The following GNAL variants were observed in gnomAD, a reference collection of about 807,000 sequenced individuals.
GNAL encodes the protein guanine nucleotide-binding protein G(olf) subunit alpha.
A neutral mutation model predicts 55.1 loss-of-function variants in GNAL; 18 were observed. The ratio of observed to expected loss-of-function variants is 0.33; its 90% confidence interval spans 0.23 to 0.48. The LOEUF (loss-of-function observed/expected upper bound fraction) is 0.48. GNAL is among the 20% of genes least tolerant of loss of function. GNAL has a pLI of 0.99. For synonymous variants in GNAL, 253 were observed against 237.0 expected, an observed-to-expected ratio of 1.07 and a Z score of -0.62; for missense variants, 412 against 614.1, an observed-to-expected ratio of 0.67 and a Z score of 3.48.
chr18:11,757,178 T>A (rs1371087363), intron 4 of GNAL, among the ~76,000 whole-genome samples: 1 of 152,208 alleles, frequency 6.6e-6, no homozygotes, highest in Non-Finnish European at 1.5e-5. Flanking sequence ...TCATTTGAAT[T>A]TCAGTTGAAT....
In GNAL at chr18:11,751,623, CT is replaced by C. The variant is rs764760074; in HGVS notation, c.377-1227del. On this transcript the variant is annotated intron_variant, in intron 1 of 11. Transcript: ENST00000334049. The surrounding 1 kb of genome is among the most constrained non-coding windows in gnomAD (Gnocchi z 4.5). ...AACACGGGGCGCGCGCCCAGACGCA[CT>C]TTCCCGGCTCGGGGTGCAAGAGAGC... The C allele has an allele frequency of 5.1e-5, 50 of 985,416 alleles. No homozygotes were observed. The Admixed American group carries it at 6.8e-4, about 13-fold the overall frequency. 61.0% of individuals were successfully genotyped at this position (985,416 alleles called of 1,614,324 possible). A position where few individuals can be genotyped will look rare whatever the true frequency, so the allele number is the denominator to read the frequency against.
chr18:11,790,396 T>C (rs948033627), intron 4 of GNAL, among the ~76,000 whole-genome samples: 6 of 152,230 alleles, frequency 3.9e-5, no homozygotes, highest in Non-Finnish European at 5.9e-5. Flanking sequence ...CACTCTGACA[T>C]CAATGTGTCC....
intron 4 of GNAL, among the ~76,000 whole-genome samples, chr18:11,772,748 G>C (rs1598444758): frequency 6.6e-6 from 1 of 152,102 alleles, no homozygotes; most frequent in Non-Finnish European, 1.5e-5. Context: ...ATTCATGCAG[G>C]GTGCGGGTCT....
At chr18:11,792,115 A>C (rs1265676635) in intron 4 of GNAL, among the ~76,000 whole-genome samples, 2 of 152,006 alleles carry the variant, frequency 1.3e-5, no homozygotes, top group Non-Finnish European at 2.9e-5. Flanking sequence ...CCTAATTGGC[A>C]CCATAGCTTT....
chr18:11,769,053 TAA>T lies in GNAL; in HGVS notation c.624+15109_624+15110del, dbSNP rs1351306257. Reference sequence around the variant, plus strand: ...TATTATATATAATATATAATATATATAATATATATTATAATATAGATTATATA... The same window carrying T: ...TATTATATATAATATATAATATATATTATATATTATAATATAGATTATATA... On this transcript the variant is annotated intron_variant, in intron 4 of 11. Coordinates refer to ENST00000334049, the MANE Select transcript of GNAL (RefSeq NM_182978.4). Among the ~76,000 whole-genome samples the T allele has an allele frequency of 1.4e-3, 123 of 90,402 alleles. 5 individuals are homozygous for T. Among genetic ancestry groups the T allele is most frequent in the Non-Finnish European group, 1.8e-3 (97 of 54,356 alleles). The allele number at this position is 90,402 out of a possible 152,430, so 59.3% of individuals were successfully genotyped here. A position where few individuals can be genotyped will look rare whatever the true frequency, so the allele number is the denominator to read the frequency against.
intron 4 of GNAL, among the ~76,000 whole-genome samples, chr18:11,785,398 A>G (rs1158228038): frequency 6.6e-6 from 1 of 152,132 alleles, no homozygotes; most frequent in Non-Finnish European, 1.5e-5. Flanking sequence ...AGCCCCCAAT[A>G]AGTAGAACAA....
chr18:11,881,392 G>T lies in GNAL; in HGVS notation c.*257G>T. 4.8e-6 allele frequency: 2 copies of T among 413,994 alleles called. No homozygotes were observed. Among genetic ancestry groups the T allele is most frequent in the Non-Finnish European group, 8.9e-6 (2 of 225,526 alleles). The allele number at this position is 413,994 out of a possible 1,614,324, so 25.6% of individuals were successfully genotyped here. ...GCCGACACTGCAGCAGAATCTCTCC[G>T]GGTGGGAGCCCCATTATTCATTCTC... On this transcript the variant is annotated 3_prime_UTR_variant, in exon 12 of 12. Coordinates refer to ENST00000334049, the MANE Select transcript of GNAL (RefSeq NM_182978.4). The surrounding 1 kb of genome is among the most constrained non-coding windows in gnomAD (Gnocchi z 4.8).
At chr18:11,777,914 C>G (rs1188857321) in intron 4 of GNAL, among the ~76,000 whole-genome samples, 1 of 152,168 alleles carries the variant, frequency 6.6e-6, no homozygotes, top group Non-Finnish European at 1.5e-5. Flanking sequence ...CACAACTAGT[C>G]AGTGATGGGT....
At chr18:11,818,542 T>C (rs1331449577) in intron 4 of GNAL, among the ~76,000 whole-genome samples, 1 of 152,228 alleles carries the variant, frequency 6.6e-6, no homozygotes, top group Non-Finnish European at 1.5e-5. Context: ...GTGCTTCCAC[T>C]TGGTCCAGAA....
At chr18:11,875,516 G>A (rs1277284414) in intron 10 of GNAL, among the ~76,000 whole-genome samples, 1 of 152,170 alleles carries the variant, frequency 6.6e-6, no homozygotes, top group Non-Finnish European at 1.5e-5. Context: ...TCTTGACACT[G>A]TTTTCAAGAT....
In GNAL at chr18:11,689,913, A is replaced by G. The variant is rs1194834103; in HGVS notation, c.350A>G (p.Gln117Arg). The G allele has an allele frequency of 2.1e-6, 3 of 1,446,124 alleles. No homozygotes were observed. Among genetic ancestry groups the G allele is most frequent in the Non-Finnish European group, 2.7e-6 (3 of 1,097,436 alleles). The allele number at this position is 1,446,124 out of a possible 1,614,324, so 89.6% of individuals were successfully genotyped here. A position where few individuals can be genotyped will look rare whatever the true frequency, so the allele number is the denominator to read the frequency against. Residue 117 changes from glutamine to arginine, a missense_variant, in exon 1 of 12, where the codon CAG (glutamine) becomes CGG (arginine). Gln to Arg is a conservative substitution (Grantham distance 43). This residue lies in a region of GNAL where 228 missense variants were observed against 194.8 expected (regional missense o/e 1.17). Transcript: ENST00000334049. ...RMLRDQKRDL[Q>R]QTHRLLLLGA... ...CTGCGCGACCAGAAGCGCGACCTGC[A>G]GCAGACGCACCGGCTCCTGCTGCTC...
chr18:11,707,181 A>G (rs982906057), intron 1 of GNAL, among the ~76,000 whole-genome samples: 3 of 152,182 alleles, frequency 2.0e-5, no homozygotes, highest in Admixed American at 1.3e-4. Context: ...CTAATCCAGA[A>G]GGCTTCTAAT....
chr18:11,737,492 C>T (rs899384393), intron 1 of GNAL, among the ~76,000 whole-genome samples: 1 of 152,214 alleles, frequency 6.6e-6, no homozygotes, highest in Non-Finnish European at 1.5e-5. Flanking sequence ...TTGCACTCAC[C>T]TCCCTGGCTG....
Position 11,881,000 on chromosome 18 carries a change from G to A in GNAL, c.1242G>A (p.Thr414=), listed in dbSNP as rs746050895. ...GCTCTCTCTTGCAGAGGATCAGCAC[G>A]GCCACCGGTGACGGCAAACATTACT... ...FIRDLFLRIS[T]ATGDGKHYCY... Residue 414 remains threonine (T), a synonymous_variant, in exon 12 of 12, where the codon ACG becomes ACA. Transcript: ENST00000334049. The A allele has an allele frequency of 1.2e-4, 194 of 1,613,850 alleles. No individual in the cohort carries two copies. The highest frequency in any genetic ancestry group is 1.8e-4 in the East Asian group (8 of 44,886).
In GNAL at chr18:11,751,775, C is replaced by T; in HGVS notation, c.377-1078C>T. ...TGACCCCTACAGCGCGGTAGCGCCT[C>T]TCCGAGAGCTCCGGGACCAGCGGCC... On this transcript the variant is annotated intron_variant, in intron 1 of 11. Transcript: ENST00000334049. The surrounding 1 kb of genome is among the most constrained non-coding windows in gnomAD (Gnocchi z 4.5). The T allele has an allele frequency of 2.0e-6, 1 of 492,644 alleles. No homozygotes were observed. The highest frequency in any genetic ancestry group is 1.5e-4 in the East Asian group (1 of 6,594). The allele number at this position is 492,644 out of a possible 1,614,324, so 30.5% of individuals were successfully genotyped here.
At chr18:11,848,815 C>CA (rs1218383548) in intron 5 of GNAL, among the ~76,000 whole-genome samples, 2 of 152,012 alleles carry the variant, frequency 1.3e-5, no homozygotes, top group Non-Finnish European at 2.9e-5. Context: ...TCTGTCTTCT[C>CA]AAAAAAACAG....
chr18:11,799,855 G>A (rs2034477529), intron 4 of GNAL, among the ~76,000 whole-genome samples: 1 of 151,986 alleles, frequency 6.6e-6, no homozygotes, highest in South Asian at 2.1e-4. Context: ...TCAGGCAAGT[G>A]TGCACCTGTC....
intron 11 of GNAL, among the ~76,000 whole-genome samples, chr18:11,880,706 G>C (rs1264837373): frequency 6.6e-6 from 1 of 152,216 alleles, no homozygotes; most frequent in Non-Finnish European, 1.5e-5. Flanking sequence ...AGAAAACTCT[G>C]TTCAGACCTT....
At chr18:11,715,318 A>G (rs1442090921) in intron 1 of GNAL, among the ~76,000 whole-genome samples, 2 of 151,684 alleles carry the variant, frequency 1.3e-5, no homozygotes, top group Non-Finnish European at 2.9e-5. Context: ...AAAATTAGCC[A>G]GGCGTGGTGG....
Sources: gnomAD v4.1 joint callset for allele counts (sites outside exome capture counted in the v4.1 genomes callset) on GRCh38, gnomAD v4.1.1 for gene constraint, gnomAD v4.1.1 regional missense constraint, Gnocchi (gnomAD v3.1) non-coding constraint, MANE v1.5 for transcripts, NCBI Gene and HGNC (gene_info 2026-07-23, HGNC 2026-07-21) for gene names.